The following PHACTR1 variants were observed in gnomAD, a reference collection of about 807,000 sequenced individuals.
The protein encoded by PHACTR1 is phosphatase and actin regulator 1.
Under a neutral mutation model 69.2 loss-of-function variants are expected in PHACTR1, and 16 were observed. The ratio of observed to expected loss-of-function variants is 0.23; its 90% CI spans 0.16 to 0.35. PHACTR1 has a LOEUF of 0.35. Ranked by LOEUF, PHACTR1 falls within the 10% of genes least tolerant of loss-of-function variation. The probability of loss-of-function intolerance (pLI) is 1.00; values close to 1 mark genes in which losing one functional copy is unlikely to be tolerated. For synonymous variants in PHACTR1, 312 were observed against 284.5 expected (o/e 1.10, Z -0.97); for missense variants, 510 against 734.7 (o/e 0.69, Z 3.54).
At chr6:12,795,749 T>G (rs1772907193) in intron 4 of PHACTR1, among the ~76,000 whole-genome samples, 1 of 151,982 alleles carries the variant, frequency 6.6e-6, no homozygotes. Context: ...TTTTTTTTTT[T>G]TAATTCTTCC....
chr6:13,058,774 GGC>G (rs1807183762), intron 5 of PHACTR1, among the ~76,000 whole-genome samples: 1 of 152,120 alleles, frequency 6.6e-6, no homozygotes, highest in African/African-American at 2.4e-5. Context: ...CTTGTGCAAA[GGC>G]CCTGTGGTAG....
chr6:13,005,194 C>CT (rs201204059), intron 4 of PHACTR1, among the ~76,000 whole-genome samples: 189 of 147,886 alleles, frequency 1.3e-3, no homozygotes, highest in African/African-American at 3.7e-3. Context: ...TCTCTTTTTT[C>CT]TTTCTTTTTT....
intron 4 of PHACTR1, among the ~76,000 whole-genome samples, chr6:12,853,448 G>C (rs1320561570): frequency 6.6e-6 from 1 of 152,196 alleles, no homozygotes; most frequent in African/African-American, 2.4e-5. Context: ...ATGCTAAGTA[G>C]AGATTCAAAT....
chr6:12,841,897 G>A (rs528444214), intron 4 of PHACTR1, among the ~76,000 whole-genome samples: 1 of 152,064 alleles, frequency 6.6e-6, no homozygotes, highest in South Asian at 2.1e-4. Flanking sequence ...TATTTCAGTT[G>A]TCCAAGGGCT....
chr6:13,268,430 C>T (rs1212269809), intron 10 of PHACTR1, among the ~76,000 whole-genome samples: 1 of 152,170 alleles, frequency 6.6e-6, no homozygotes, highest in Non-Finnish European at 1.5e-5. Context: ...TCCTCATCCC[C>T]AGATCTATGA....
intron 7 of PHACTR1, among the ~76,000 whole-genome samples, chr6:13,205,024 T>C (rs1330492765): frequency 1.3e-5 from 2 of 152,220 alleles, no homozygotes; most frequent in East Asian, 3.9e-4. Flanking sequence ...TAACAATACC[T>C]GAGGCCAGGT....
intron 4 of PHACTR1, among the ~76,000 whole-genome samples, chr6:13,050,489 T>C (rs1805781135): frequency 6.6e-6 from 1 of 152,194 alleles, no homozygotes; most frequent in Non-Finnish European, 1.5e-5. Flanking sequence ...AATACTTTTG[T>C]GCATTTTTGA....
intron 5 of PHACTR1, among the ~76,000 whole-genome samples, chr6:13,075,354 C>T (rs1002728412): frequency 1.3e-4 from 20 of 152,178 alleles, no homozygotes; most frequent in Non-Finnish European, 1.5e-5. Flanking sequence ...CTCTAGTAGC[C>T]TGGCACCCCA....
At chr6:12,911,932 C>A (rs573451622) in intron 4 of PHACTR1, among the ~76,000 whole-genome samples, 139 of 152,328 alleles carry the variant, frequency 9.1e-4, no homozygotes, top group Middle Eastern at 3.4e-3. Flanking sequence ...GAAAATACAT[C>A]ATTTAGGACA....
intron 4 of PHACTR1, among the ~76,000 whole-genome samples, chr6:12,752,406 C>T (rs1283792220): frequency 6.6e-6 from 1 of 152,196 alleles, no homozygotes; most frequent in Admixed American, 6.5e-5. Flanking sequence ...TTTATGAACA[C>T]TTAAGCAAGT....
At chr6:12,954,354 A>C (rs1432889342) in intron 4 of PHACTR1, among the ~76,000 whole-genome samples, 1 of 151,680 alleles carries the variant, frequency 6.6e-6, no homozygotes, top group South Asian at 2.1e-4. Flanking sequence ...ATATGATTAA[A>C]TGTCTGCTTT....
intron 10 of PHACTR1, chr6:13,265,133 C>T (rs903317274): frequency 7.2e-5 from 11 of 152,282 alleles, no homozygotes; most frequent in Admixed American, 2.0e-4. Context: ...GCTAAGTCCT[C>T]CAGCTTCGGT....
chr6:12,848,023 C>T (rs1348831116), intron 4 of PHACTR1, among the ~76,000 whole-genome samples: 1 of 152,110 alleles, frequency 6.6e-6, no homozygotes, highest in Non-Finnish European at 1.5e-5. Flanking sequence ...CCTGAGACTG[C>T]AGCTGATCAT....
intron 4 of PHACTR1, among the ~76,000 whole-genome samples, chr6:12,752,251 A>T (rs896680604): frequency 2.6e-5 from 4 of 152,202 alleles, no homozygotes; most frequent in Non-Finnish European, 1.5e-5. Context: ...TTAAAAGCAA[A>T]CAGCCTTGTT....
chr6:13,033,815 C>T (rs1350713414), intron 4 of PHACTR1, among the ~76,000 whole-genome samples: 1 of 152,158 alleles, frequency 6.6e-6, no homozygotes, highest in Admixed American at 6.5e-5. Context: ...GTGCCCTAAA[C>T]AAAGAACTAG....
chr6:13,077,213 A>G (rs558578200), intron 5 of PHACTR1, among the ~76,000 whole-genome samples: 1 of 150,716 alleles, frequency 6.6e-6, no homozygotes, highest in East Asian at 1.9e-4. Context: ...TTATGTGTCT[A>G]AGTGTGGTTT....
At chr6:12,997,780 C>T (rs1797606338) in intron 4 of PHACTR1, among the ~76,000 whole-genome samples, 3 of 152,020 alleles carry the variant, frequency 2.0e-5, no homozygotes, top group Admixed American at 2.0e-4. Flanking sequence ...AGGTGAAACC[C>T]CGTCTCTACT....
chr6:12,922,113 A>G (rs980945560), intron 4 of PHACTR1, among the ~76,000 whole-genome samples: 3 of 152,192 alleles, frequency 2.0e-5, no homozygotes, highest in African/African-American at 7.2e-5. Flanking sequence ...GGAATACCCC[A>G]TGTCATTTGC....
At chr6:13,160,740 A>G (rs1270949280) in intron 6 of PHACTR1, among the ~76,000 whole-genome samples, 1 of 152,218 alleles carries the variant, frequency 6.6e-6, no homozygotes, top group Non-Finnish European at 1.5e-5. Flanking sequence ...TCTTGCCACA[A>G]TAGAATAAAT....
Sources: allele counts gnomAD v4.1 joint callset (sites outside exome capture counted in the v4.1 genomes callset), GRCh38; gene constraint gnomAD v4.1.1; transcripts MANE v1.5; gene names NCBI Gene and HGNC (gene_info 2026-07-23, HGNC 2026-07-21).